CAPRIN1: variants seen among roughly 807,000 people sequenced by gnomAD.
The protein encoded by CAPRIN1 is cell cycle associated protein 1.
Under a neutral mutation model 100.9 loss-of-function variants are expected in CAPRIN1, and 29 were observed. That is an observed-to-expected ratio of 0.29 (90% confidence interval 0.21 to 0.39). The LOEUF (loss-of-function observed/expected upper bound fraction) is 0.39. Ranked by LOEUF, CAPRIN1 falls within the 10% of genes least tolerant of loss-of-function variation. CAPRIN1 has a pLI of 1.00. For synonymous variants in CAPRIN1, 338 were observed against 307.5 expected (o/e 1.10, Z -1.04); for missense variants, 795 against 876.7 (o/e 0.91, Z 1.18).
intron 2 of CAPRIN1, chr11:34,056,366 T>C (rs2134081979): frequency 6.6e-6 from 1 of 152,326 alleles, no homozygotes; most frequent in Non-Finnish European, 1.5e-5. Context: ...TTCCTAATAA[T>C]TTGAGCCATT....
At chr11:34,059,355 G>T (rs1429756520) in intron 2 of CAPRIN1, among the ~76,000 whole-genome samples, 1 of 148,922 alleles carries the variant, frequency 6.7e-6, no homozygotes, top group Non-Finnish European at 1.5e-5. Context: ...TGCAACCTCC[G>T]CCTCCTGGGT....
In CAPRIN1 at chr11:34,082,860, G is replaced by A. The variant is rs1253367431; in HGVS notation, c.862G>A (p.Glu288Lys). 1.2e-6 allele frequency: 2 copies of A among 1,613,918 alleles called. No individual in the cohort carries two copies. Among genetic ancestry groups the A allele is most frequent in the Non-Finnish European group, 1.7e-6 (2 of 1,179,984 alleles). ...EPAEEYTEQS[E>K]VESTEYVNRQ... Reference sequence around the variant, plus strand: ...AGCAGAAGAGTACACTGAGCAAAGTGAAGTTGAATCAACAGAGGTATGATT... The same window carrying A: ...AGCAGAAGAGTACACTGAGCAAAGTAAAGTTGAATCAACAGAGGTATGATT... Residue 288 changes from glutamate to lysine, a missense_variant, in exon 8 of 19, where the codon GAA becomes AAA. Physicochemically the swap from Glu to Lys is moderately conservative, Grantham distance 56 (BLOSUM62 1). Transcript: ENST00000341394.
intron 15 of CAPRIN1, among the ~76,000 whole-genome samples, chr11:34,093,032 T>C (rs1851292243): frequency 1.3e-5 from 2 of 151,556 alleles, no homozygotes; most frequent in Admixed American, 1.3e-4. Flanking sequence ...CTAATTTTTT[T>C]TTTTTTTTTG....
intron 14 of CAPRIN1, 32 bp downstream of exon 14, chr11:34,090,710 T>A: frequency 1.9e-6 from 3 of 1,588,428 alleles, no homozygotes; most frequent in Non-Finnish European, 2.6e-6. Context: ...AATTGCCTAG[T>A]ATGTAATATG....
At position 34,086,428 on chromosome 11, in the gene CAPRIN1, AT is replaced by A; in HGVS notation, c.1231+20del. 6.9e-7 allele frequency: 1 copy of A among 1,444,810 alleles called. No individual in the cohort carries two copies. The highest frequency in any genetic ancestry group is 9.6e-7 in the Non-Finnish European group (1 of 1,042,608). 89.5% of individuals were successfully genotyped at this position (1,444,810 alleles called of 1,614,324 possible). A position where few individuals can be genotyped will look rare whatever the true frequency, so the allele number is the denominator to read the frequency against. On this transcript the variant is annotated intron_variant, in intron 11 of 18. Transcript: ENST00000341394. Reference sequence around the variant, plus strand: ...TTGCCCTCCAGGTTAGTAGTGGTACATTTTTATGTGAGAGAGAAATATAAGG... The same window carrying A: ...TTGCCCTCCAGGTTAGTAGTGGTACATTTTATGTGAGAGAGAAATATAAGG...
chr11:34,066,838 TG>T (rs1850706898), intron 2 of CAPRIN1, among the ~76,000 whole-genome samples: 1 of 151,066 alleles, frequency 6.6e-6, no homozygotes, highest in Admixed American at 6.6e-5. Context: ...TTCACCATGT[TG>T]GCCAGGCTGG....
chr11:34,065,588 G>T (rs1369020934), intron 2 of CAPRIN1, among the ~76,000 whole-genome samples: 1 of 152,128 alleles, frequency 6.6e-6, no homozygotes, highest in African/African-American at 2.4e-5. Flanking sequence ...ACCAACATAG[G>T]GTCTCTGCTC....
At chr11:34,070,699 A>G (rs1008175639) in intron 2 of CAPRIN1, among the ~76,000 whole-genome samples, 8 of 151,110 alleles carry the variant, frequency 5.3e-5, no homozygotes, top group African/African-American at 1.9e-4. Flanking sequence ...CCTGGCCCGA[A>G]AAAATACTCT....
chr11:34,075,791 A>T (rs1850895085), intron 4 of CAPRIN1, among the ~76,000 whole-genome samples: 1 of 152,224 alleles, frequency 6.6e-6, no homozygotes, highest in African/African-American at 2.4e-5. Context: ...TAAATTCATT[A>T]AATTTTTACT....
chr11:34,055,441 G>GC (rs1354970669), intron 2 of CAPRIN1, among the ~76,000 whole-genome samples: 1 of 152,120 alleles, frequency 6.6e-6, no homozygotes. Flanking sequence ...TCCTGCCTCG[G>GC]CCCCCCGCCC....
In CAPRIN1 at chr11:34,080,996, C is replaced by T. The variant is rs528022894; in HGVS notation, c.826+1231C>T. 1.2e-3 allele frequency among the ~76,000 whole-genome samples: 188 copies of T among 152,122 alleles called. 1 individual carries two copies. The highest frequency in any genetic ancestry group is 4.3e-3 in the African/African-American group (178 of 41,506). ...CTGCTTCATACTACTACTTATGAGA[C>T]GGGAGAGGGCTTTTAATATAGTAGC... On this transcript the variant is annotated intron_variant, in intron 7 of 18. Coordinates refer to ENST00000341394, the MANE Select transcript of CAPRIN1 (RefSeq NM_005898.5).
chr11:34,084,371 T>G, intron 9 of CAPRIN1, among the ~76,000 whole-genome samples: 1 of 152,222 alleles, frequency 6.6e-6, no homozygotes. Context: ...ATGAAAATAC[T>G]GCTCAGGAAG....
chr11:34,055,189 G>T (rs1376666458), intron 2 of CAPRIN1, among the ~76,000 whole-genome samples: 1 of 152,020 alleles, frequency 6.6e-6, no homozygotes, highest in African/African-American at 2.4e-5. Context: ...AATCTCTGTT[G>T]CCCAGGCTGG....
At chr11:34,086,833 A>G (rs1305448644) in intron 11 of CAPRIN1, among the ~76,000 whole-genome samples, 1 of 152,232 alleles carries the variant, frequency 6.6e-6, no homozygotes, top group African/African-American at 2.4e-5. Context: ...TAACTTTAAC[A>G]AGTGAAATTT....
chr11:34,053,253 A>G, intron 2 of CAPRIN1: 1 of 608,078 alleles, frequency 1.6e-6, no homozygotes, highest in Non-Finnish European at 2.1e-6. Context: ...CGCCCATGCG[A>G]TGGGCTCCCC....
intron 14 of CAPRIN1, 93 bp downstream of exon 14, chr11:34,090,771 T>C: frequency 9.1e-7 from 1 of 1,095,536 alleles, no homozygotes; most frequent in Non-Finnish European, 1.3e-6. Flanking sequence ...TTAACTGTGC[T>C]TGAGTCTGCA....
At chr11:34,080,641 G>GTA (rs1851009486) in intron 7 of CAPRIN1, among the ~76,000 whole-genome samples, 1 of 152,174 alleles carries the variant, frequency 6.6e-6, no homozygotes, top group African/African-American at 2.4e-5. Flanking sequence ...ATGTTGATGA[G>GTA]TAAAATTCTG....
intron 2 of CAPRIN1, among the ~76,000 whole-genome samples, chr11:34,062,753 T>C (rs1041730018): frequency 6.6e-6 from 1 of 152,156 alleles, no homozygotes. Flanking sequence ...ACATAAAGTA[T>C]AGCTAGGTGC....
intron 2 of CAPRIN1, among the ~76,000 whole-genome samples, chr11:34,054,617 C>G (rs1258382711): frequency 6.6e-6 from 1 of 152,038 alleles, no homozygotes; most frequent in Admixed American, 6.6e-5. Context: ...TTAGTAGAGA[C>G]AGGGTTTCAC....
Sources: allele counts gnomAD v4.1 joint callset (sites outside exome capture counted in the v4.1 genomes callset), GRCh38; gene constraint gnomAD v4.1.1; transcripts MANE v1.5; gene names NCBI Gene and HGNC (gene_info 2026-07-23, HGNC 2026-07-21).